Variants in STX18 observed in about 807,000 individuals in gnomAD.
STX18 encodes the protein syntaxin 18.
STX18 carries 40 observed loss-of-function variants against 50.1 expected under a neutral mutation model. The ratio of observed to expected loss-of-function variants is 0.80; its 90% confidence interval spans 0.62 to 1.04. STX18 has a LOEUF of 1.04. Among genes scored for constraint, STX18 ranks in the 50% least tolerant of loss-of-function variants. STX18 has a pLI of 0.00. For synonymous variants in STX18, 158 were observed against 151.8 expected, an observed-to-expected ratio of 1.04 and a Z score of -0.30; for missense variants, 410 against 415.8, an observed-to-expected ratio of 0.99 and a Z score of 0.12.
intron 2 of STX18, among the ~76,000 whole-genome samples, chr4:4,464,607 G>A (rs915113396): frequency 1.3e-5 from 2 of 152,116 alleles, no homozygotes; most frequent in South Asian, 2.1e-4. Flanking sequence ...TCTCTGACAA[G>A]GCTAAATTCC....
At chr4:4,476,974 C>T (rs373528647) in intron 1 of STX18, among the ~76,000 whole-genome samples, 10 of 151,752 alleles carry the variant, frequency 6.6e-5, no homozygotes, top group Admixed American at 1.3e-4. Context: ...CTGAGGCGGG[C>T]GGGTCACCTG....
intron 7 of STX18, chr4:4,426,154 A>C (rs1327529700): frequency 6.6e-6 from 1 of 152,132 alleles, no homozygotes; most frequent in Non-Finnish European, 1.5e-5. Context: ...TTTTCTGAAA[A>C]TATCTTAGGA....
At chr4:4,467,707 A>G (rs1455351994) in intron 2 of STX18, among the ~76,000 whole-genome samples, 1 of 149,934 alleles carries the variant, frequency 6.7e-6, no homozygotes, top group Non-Finnish European at 1.5e-5. Flanking sequence ...TACCTAACAC[A>G]GAATAAACAT....
chr4:4,422,201 G>C (rs1405594260), intron 9 of STX18, among the ~76,000 whole-genome samples: 1 of 152,082 alleles, frequency 6.6e-6, no homozygotes, highest in Non-Finnish European at 1.5e-5. Context: ...GTTCCAATGA[G>C]AGAATCAATA....
chr4:4,502,612 T>C (rs2108880539), intron 1 of STX18, among the ~76,000 whole-genome samples: 1 of 152,222 alleles, frequency 6.6e-6, no homozygotes, highest in African/African-American at 2.4e-5. Flanking sequence ...ATGCCTTGAG[T>C]TGAGGAAACT....
At chr4:4,527,216 A>C (rs1730811195) in intron 1 of STX18, among the ~76,000 whole-genome samples, 1 of 152,178 alleles carries the variant, frequency 6.6e-6, no homozygotes, top group Admixed American at 6.5e-5. Context: ...TTGGAAAAAT[A>C]TGCTTCTCTC....
At chr4:4,457,379 TATTGTGAA>T in intron 4 of STX18, 36 bp downstream of exon 4, 1 of 1,575,508 alleles carries the variant, frequency 6.3e-7, no homozygotes, top group Non-Finnish European at 8.7e-7. Context: ...GCATCACATC[TATTGTGAA>T]ATGTTACATT....
At chr4:4,431,799 C>G (rs1725530507) in intron 7 of STX18, among the ~76,000 whole-genome samples, 1 of 152,172 alleles carries the variant, frequency 6.6e-6, no homozygotes, top group African/African-American at 2.4e-5. Context: ...TCAGTGCAGG[C>G]CATTTCCTAC....
chr4:4,481,072 A>G (rs749848724), intron 1 of STX18, among the ~76,000 whole-genome samples: 2 of 152,230 alleles, frequency 1.3e-5, no homozygotes, highest in Non-Finnish European at 2.9e-5. Flanking sequence ...TGTGTCACCC[A>G]CAGAACAGCC....
Position 4,420,133 on chromosome 4 carries a change from G to C in STX18, c.913-4C>G, listed in dbSNP as rs1365967806. 1.2e-6 allele frequency: 2 copies of C among 1,606,646 alleles called. No homozygotes were observed. The highest frequency in any genetic ancestry group is 2.7e-5 in the African/African-American group (2 of 74,730). On this transcript the variant is annotated splice_region_variant and splice_polypyrimidine_tract_variant and intron_variant, in intron 10 of 10. Coordinates refer to ENST00000306200, the MANE Select transcript of STX18 (RefSeq NM_016930.4). The surrounding 1 kb of genome is among the most constrained non-coding windows in gnomAD (Gnocchi z 4.3). ...AGCCAGCGTTGTTTTTAATGGCCTG[G>C]GCAGGGACGGGAGCACAGGTGTTTT...
intron 1 of STX18, among the ~76,000 whole-genome samples, chr4:4,523,771 G>A (rs1167465937): frequency 6.6e-6 from 1 of 152,134 alleles, no homozygotes; most frequent in East Asian, 1.9e-4. Context: ...ACTGCCAGCA[G>A]AATGATCTTT....
chr4:4,526,464 G>A (rs1340643843), intron 1 of STX18, among the ~76,000 whole-genome samples: 2 of 152,172 alleles, frequency 1.3e-5, no homozygotes, highest in East Asian at 1.9e-4. Context: ...GGGTGGAGGA[G>A]CTCTCTGGTG....
chr4:4,489,391 ATTTTTTTTTTTTTTTTTTTTTTTTTTT>A (rs34563523), intron 1 of STX18, among the ~76,000 whole-genome samples: 1 of 51,600 alleles, frequency 1.9e-5, no homozygotes, highest in African/African-American at 6.9e-5. Flanking sequence ...ATGCAAAATA[ATTTTTTTTTTTTTTTTTTTTTTTTTTT>A]TTTTTTTTTT....
At chr4:4,538,371 G>C (rs888355812) in intron 1 of STX18, among the ~76,000 whole-genome samples, 1 of 152,170 alleles carries the variant, frequency 6.6e-6, no homozygotes, top group Non-Finnish European at 1.5e-5. Context: ...CCTTGGCAAA[G>C]AAATGTTACC....
intron 1 of STX18, among the ~76,000 whole-genome samples, chr4:4,483,925 G>A (rs1272978950): frequency 6.6e-6 from 1 of 151,964 alleles, no homozygotes; most frequent in Non-Finnish European, 1.5e-5. Context: ...GCAGTGGCAT[G>A]ATCTCAGCTC....
At position 4,438,474 on chromosome 4, in the gene STX18, C is replaced by G; in HGVS notation, c.533G>C (p.Arg178Thr). Residue 178 changes from arginine (R) to threonine (T), a missense_variant, in exon 6 of 11, where the codon AGA (arginine) becomes ACA (threonine). Transcript: ENST00000306200. The stretch of plus-strand genomic sequence containing the variant: ...AACTTTCTCAGAAGATGTGGATTCT[C>G]TTGTCTTTGTATTTGGTTCTGGTTC... ...KLEPEPNTKT[R>T]ESTSSEKVSQ... 6.2e-7 allele frequency: 1 copy of G among 1,613,684 alleles called. No homozygotes were observed. The highest frequency in any genetic ancestry group is 8.5e-7 in the Non-Finnish European group (1 of 1,179,716).
intron 1 of STX18, among the ~76,000 whole-genome samples, chr4:4,491,935 C>T (rs111553020): frequency 2.8e-4 from 42 of 152,132 alleles, no homozygotes; most frequent in Admixed American, 9.2e-4. Context: ...TGTCACACTC[C>T]GGTTACCCAG....
chr4:4,459,062 G>GCACGCACACACACA (rs1553837175), intron 3 of STX18, among the ~76,000 whole-genome samples: 2 of 144,282 alleles, frequency 1.4e-5, no homozygotes, highest in Non-Finnish European at 3.1e-5. Flanking sequence ...ACACACACAC[G>GCACGCACACACACA]CACACACACA....
chr4:4,491,888 T>C (rs1728958458), intron 1 of STX18, among the ~76,000 whole-genome samples: 1 of 152,142 alleles, frequency 6.6e-6, no homozygotes. Context: ...ATTAAAAAAC[T>C]AAAAGTATCC....
Sources: gnomAD v4.1 joint callset for allele counts (sites outside exome capture counted in the v4.1 genomes callset) on GRCh38, gnomAD v4.1.1 for gene constraint, Gnocchi (gnomAD v3.1) non-coding constraint, MANE v1.5 for transcripts, NCBI Gene and HGNC (gene_info 2026-07-23, HGNC 2026-07-21) for gene names.